The following CCDC148 variants were observed in gnomAD, a reference collection of about 807,000 sequenced individuals.
The protein encoded by CCDC148 is coiled-coil domain-containing protein 148.
CCDC148 carries 89 observed loss-of-function variants against 85.7 expected under a neutral mutation model. That is an observed-to-expected ratio of 1.04 (90% CI 0.87 to 1.24). The LOEUF (loss-of-function observed/expected upper bound fraction) is 1.24. Among genes scored for constraint, CCDC148 ranks in the 50% most tolerant of loss-of-function variants. CCDC148 has a pLI of 0.00. For synonymous variants in CCDC148, 230 were observed against 213.9 expected (o/e 1.08, Z -0.66); for missense variants, 692 against 671.7 (o/e 1.03, Z -0.33).
intron 1 of CCDC148, among the ~76,000 whole-genome samples, chr2:158,427,947 C>T (rs555387922): frequency 1.1e-4 from 16 of 152,208 alleles, no homozygotes; most frequent in South Asian, 1.0e-3. Flanking sequence ...AAGATCATTG[C>T]GGTAGAGAAG....
intron 7 of CCDC148, among the ~76,000 whole-genome samples, chr2:158,328,909 T>C (rs141619763): frequency 0.15 from 22,836 of 148,222 alleles, 2,205 homozygotes; most frequent in Non-Finnish European, 0.21. Context: ...AGATTCTGGA[T>C]ATTAGCCCTT....
At chr2:158,247,170 A>G (rs1308594645) in intron 10 of CCDC148, among the ~76,000 whole-genome samples, 1 of 152,202 alleles carries the variant, frequency 6.6e-6, no homozygotes, top group Non-Finnish European at 1.5e-5. Flanking sequence ...ATATTAATTT[A>G]AAAAATGGAT....
intron 1 of CCDC148, among the ~76,000 whole-genome samples, chr2:158,391,613 A>T (rs1049317880): frequency 2.0e-5 from 3 of 152,196 alleles, no homozygotes; most frequent in Admixed American, 2.0e-4. Context: ...TCTATTAGGA[A>T]CCCACAACAT....
intron 9 of CCDC148, among the ~76,000 whole-genome samples, chr2:158,256,351 T>C (rs1689011799): frequency 6.6e-6 from 1 of 151,720 alleles, no homozygotes; most frequent in African/African-American, 2.4e-5. Context: ...CTATAGTTCA[T>C]TTAAGTTCTA....
intron 1 of CCDC148, among the ~76,000 whole-genome samples, chr2:158,423,184 C>T (rs746907261): frequency 1.3e-5 from 2 of 152,120 alleles, no homozygotes; most frequent in African/African-American, 2.4e-5. Context: ...CAATGCCATC[C>T]CCATCAAGCT....
At chr2:158,282,230 C>T (rs1446548084) in intron 9 of CCDC148, among the ~76,000 whole-genome samples, 4 of 152,000 alleles carry the variant, frequency 2.6e-5, no homozygotes, top group Non-Finnish European at 4.4e-5. Flanking sequence ...GACAGGGATG[C>T]CCTCTCTCAC....
chr2:158,195,328 G>A (rs1685618642), intron 11 of CCDC148, among the ~76,000 whole-genome samples: 1 of 151,858 alleles, frequency 6.6e-6, no homozygotes, highest in African/African-American at 2.4e-5. Context: ...AATTTCACAT[G>A]AAGGCATATC....
chr2:158,424,911 T>C lies in CCDC148; in HGVS notation c.25+31504A>G, dbSNP rs538266109. The C allele has an allele frequency of 8.8e-4, 238 of 271,934 alleles. 4 individuals carry two copies. Among genetic ancestry groups the C allele is most frequent in the South Asian group, 4.7e-3 (109 of 23,318 alleles). 16.8% of individuals were successfully genotyped at this position (271,934 alleles called of 1,614,324 possible). A position where few individuals can be genotyped will look rare whatever the true frequency, so the allele number is the denominator to read the frequency against. ...TATAGATGAAGAGCCAGTAACGAAA[T>C]TGTTAGACAGCAGATTATTATCAAA... On this transcript the variant is annotated intron_variant, in intron 1 of 13. Coordinates refer to ENST00000283233, the MANE Select transcript of CCDC148 (RefSeq NM_138803.4).
chr2:158,202,875 A>ATCT, intron 11 of CCDC148, among the ~76,000 whole-genome samples: 1 of 152,346 alleles, frequency 6.6e-6, no homozygotes, highest in Admixed American at 6.5e-5. Context: ...TTAAAATTGA[A>ATCT]TCTTTGTGTT....
At chr2:158,327,874 C>G (rs1692862946) in intron 7 of CCDC148, among the ~76,000 whole-genome samples, 1 of 152,044 alleles carries the variant, frequency 6.6e-6, no homozygotes. Flanking sequence ...TAAATTAATT[C>G]CCAAATATTC....
rs66489252 is a variant in CCDC148 at position 158,351,468 on chromosome 2, G to GGTGACGAACA, written c.148-6151_148-6150insTGTTCGTCAC. 9.8e-3 allele frequency among the ~76,000 whole-genome samples: 19 copies of GGTGACGAACA among 1,948 alleles called. No homozygotes were observed. In the South Asian group the frequency reaches 0.15, roughly 16 times the overall value. 1.3% of individuals were successfully genotyped at this position (1,948 alleles called of 152,430 possible). On this transcript the variant is annotated intron_variant, in intron 2 of 13. Coordinates refer to ENST00000283233, the MANE Select transcript of CCDC148 (RefSeq NM_138803.4). Reference sequence around the variant, plus strand: ...GTTCCCTTTCCGAGTCAAAGAAAGGGGCACCTGGAAAATCGGGTCACTCCC... The same window carrying GGTGACGAACA: ...GTTCCCTTTCCGAGTCAAAGAAAGGGGTGACGAACAGCACCTGGAAAATCGGGTCACTCCC...
At chr2:158,340,506 G>A (rs1378872712) in intron 4 of CCDC148, 92 bp downstream of exon 4, 11 of 1,404,248 alleles carry the variant, frequency 7.8e-6, no homozygotes, top group African/African-American at 4.3e-5. Context: ...AAAACAAATG[G>A]CAGTTAATAT....
chr2:158,283,292 A>C (rs539213701), intron 9 of CCDC148, among the ~76,000 whole-genome samples: 2 of 152,322 alleles, frequency 1.3e-5, no homozygotes, highest in South Asian at 2.1e-4. Flanking sequence ...ATCTAATTAA[A>C]CTAAAGAGCT....
intron 1 of CCDC148, among the ~76,000 whole-genome samples, chr2:158,367,390 C>T (rs934135501): frequency 2.0e-5 from 3 of 152,070 alleles, no homozygotes; most frequent in African/African-American, 7.2e-5. Context: ...CTCTCCTGTC[C>T]TCTTATTGGT....
At chr2:158,307,735 C>A (rs1233816203) in intron 9 of CCDC148, among the ~76,000 whole-genome samples, 1 of 152,100 alleles carries the variant, frequency 6.6e-6, no homozygotes, top group East Asian at 1.9e-4. Context: ...TGTAACATGC[C>A]ACAAAGATGA....
intron 9 of CCDC148, among the ~76,000 whole-genome samples, chr2:158,259,128 A>G (rs1209760817): frequency 6.7e-6 from 1 of 149,658 alleles, no homozygotes; most frequent in Non-Finnish European, 1.5e-5. Flanking sequence ...CCTGCCCCAC[A>G]CTCCCCTTTC....
rs72936012 is a variant in CCDC148 at position 158,219,201 on chromosome 2, C to T, written c.1370+1394G>A. ...CAGGAAATTTTTTTACAGCGACTAACTTAGGTAAATGTATCAGGGAAGCTC... is the reference window on the plus strand; with the variant it reads ...CAGGAAATTTTTTTACAGCGACTAATTTAGGTAAATGTATCAGGGAAGCTC... On this transcript the variant is annotated intron_variant, in intron 11 of 13. Coordinates refer to ENST00000283233, the MANE Select transcript of CCDC148 (RefSeq NM_138803.4). Among the ~76,000 whole-genome samples the T allele has an allele frequency of 5.8e-3, 882 of 152,242 alleles. 7 individuals carry two copies. Among genetic ancestry groups the T allele is most frequent in the Non-Finnish European group, 7.0e-3 (475 of 68,018 alleles).
intron 1 of CCDC148, among the ~76,000 whole-genome samples, chr2:158,395,952 T>C (rs1482303199): frequency 2.6e-5 from 4 of 152,152 alleles, no homozygotes; most frequent in Non-Finnish European, 5.9e-5. Flanking sequence ...TATACAACAT[T>C]TAATAAACTG....
rs184634101 is a variant in CCDC148 at position 158,289,145 on chromosome 2, T to C, written c.1110+20288A>G. ...TCAGTGGGGACACAGCCAAACTATA[T>C]CAATGACTTTGAAGTCAGGAAATTA... On this transcript the variant is annotated intron_variant, in intron 9 of 13. Coordinates refer to ENST00000283233, the MANE Select transcript of CCDC148 (RefSeq NM_138803.4). Among the ~76,000 whole-genome samples the C allele has an allele frequency of 6.6e-5, 10 of 152,222 alleles. No homozygotes were observed. The East Asian group carries it at 1.9e-3, about 29-fold the overall frequency.
Sources: gnomAD v4.1 joint callset for allele counts (sites outside exome capture counted in the v4.1 genomes callset) on GRCh38, gnomAD v4.1.1 for gene constraint, MANE v1.5 for transcripts, NCBI Gene and HGNC (gene_info 2026-07-23, HGNC 2026-07-21) for gene names.